MAGI2: variants seen among roughly 807,000 people sequenced by gnomAD.
MAGI2 encodes the protein membrane-associated guanylate kinase, WW and PDZ domain-containing protein 2.
In MAGI2, 35 loss-of-function variants were observed where a neutral mutation model predicts 133.3. The observed-to-expected ratio is 0.26, with a 90% CI of 0.20 to 0.35. The LOEUF is 0.35. MAGI2 is among the 10% of genes least tolerant of loss of function. The pLI is 1.00. For synonymous variants in MAGI2, 729 were observed against 710.6 expected (o/e 1.03, Z -0.41); for missense variants, 1,636 against 1,863.4 (o/e 0.88, Z 2.25).
At chr7:78,304,867 G>A (rs1798122590) in intron 9 of MAGI2, among the ~76,000 whole-genome samples, 1 of 152,172 alleles carries the variant, frequency 6.6e-6, no homozygotes, top group Admixed American at 6.5e-5. Context: ...ATCTCAGGTG[G>A]AGGGAACAAG....
chr7:79,365,016 GA>G (rs933725768), intron 1 of MAGI2, among the ~76,000 whole-genome samples: 25 of 147,230 alleles, frequency 1.7e-4, no homozygotes, highest in South Asian at 1.1e-3. Flanking sequence ...AAAGGAGTAG[GA>G]AAAAAAAAAC....
intron 2 of MAGI2, among the ~76,000 whole-genome samples, chr7:78,881,269 A>G (rs924783322): frequency 3.3e-5 from 5 of 152,096 alleles, no homozygotes. Flanking sequence ...CAGAGTATAC[A>G]TTCTTCTTAC....
At chr7:78,365,514 T>C (rs1050840607) in intron 7 of MAGI2, among the ~76,000 whole-genome samples, 1 of 152,220 alleles carries the variant, frequency 6.6e-6, no homozygotes, top group African/African-American at 2.4e-5. Context: ...TTAACTTCTT[T>C]AGCCAGGGTT....
chr7:78,034,791 G>C (rs1332307972), intron 21 of MAGI2: 1 of 152,258 alleles, frequency 6.6e-6, no homozygotes, highest in African/African-American at 2.4e-5. Context: ...GCGTCCCAAA[G>C]TGCTGGGATT....
chr7:79,204,419 G>A (rs1828865622), intron 1 of MAGI2, among the ~76,000 whole-genome samples: 1 of 152,062 alleles, frequency 6.6e-6, no homozygotes, highest in African/African-American at 2.4e-5. Context: ...TAGGCTTCTA[G>A]TAGCACTTCA....
chr7:78,853,217 G>A (rs1261006509), intron 2 of MAGI2, among the ~76,000 whole-genome samples: 1 of 150,366 alleles, frequency 6.7e-6, no homozygotes, highest in African/African-American at 2.4e-5. Context: ...ATAACTTTTC[G>A]TTTAACAGTC....
At chr7:78,454,744 G>A (rs146309078) in intron 6 of MAGI2, among the ~76,000 whole-genome samples, 136 of 152,162 alleles carry the variant, frequency 8.9e-4, no homozygotes, top group African/African-American at 3.1e-3. Context: ...GAGATAAAAC[G>A]CAATGAGCTC....
intron 1 of MAGI2, among the ~76,000 whole-genome samples, chr7:79,180,572 A>C (rs555179600): frequency 4.6e-5 from 7 of 152,022 alleles, no homozygotes; most frequent in Non-Finnish European, 1.0e-4. Flanking sequence ...TCCATCCCAC[A>C]ACATGTGGGA....
chr7:79,173,401 C>T (rs1396083967), intron 1 of MAGI2, among the ~76,000 whole-genome samples: 2 of 152,072 alleles, frequency 1.3e-5, no homozygotes, highest in African/African-American at 2.4e-5. Flanking sequence ...TCATAACTCA[C>T]TGCAAACTCA....
intron 6 of MAGI2, among the ~76,000 whole-genome samples, chr7:78,410,973 A>G (rs994909741): frequency 2.0e-5 from 3 of 152,066 alleles, no homozygotes; most frequent in Non-Finnish European, 4.4e-5. Flanking sequence ...GATGGTCAGT[A>G]ACATGCCATC....
chr7:78,913,501 A>G (rs1798569557), intron 2 of MAGI2, among the ~76,000 whole-genome samples: 1 of 152,154 alleles, frequency 6.6e-6, no homozygotes, highest in South Asian at 2.1e-4. Flanking sequence ...CTGTGAGCCA[A>G]TTAAAGCTCT....
intron 1 of MAGI2, among the ~76,000 whole-genome samples, chr7:79,435,913 AAG>A (rs1439552938): frequency 6.6e-6 from 1 of 152,162 alleles, no homozygotes; most frequent in African/African-American, 2.4e-5. Context: ...TATGTGTCTA[AAG>A]ACAGACACAT....
At chr7:78,639,441 C>A (rs903275907) in intron 2 of MAGI2, among the ~76,000 whole-genome samples, 1 of 151,918 alleles carries the variant, frequency 6.6e-6, no homozygotes, top group Non-Finnish European at 1.5e-5. Flanking sequence ...TAATGAGTAC[C>A]CACTAGGAGC....
chr7:78,458,545 T>C (rs1041369994), intron 6 of MAGI2, among the ~76,000 whole-genome samples: 1 of 152,094 alleles, frequency 6.6e-6, no homozygotes, highest in Non-Finnish European at 1.5e-5. Context: ...TTTTATACAA[T>C]TAAATAATAG....
intron 1 of MAGI2, among the ~76,000 whole-genome samples, chr7:79,256,116 C>G (rs542779868): frequency 2.1e-4 from 32 of 152,288 alleles, no homozygotes; most frequent in African/African-American, 7.7e-4. Flanking sequence ...TAATAACTTT[C>G]ACCCAAAGAG....
At chr7:78,321,370 T>C (rs1273518591) in intron 9 of MAGI2, among the ~76,000 whole-genome samples, 2 of 152,120 alleles carry the variant, frequency 1.3e-5, no homozygotes, top group Non-Finnish European at 2.9e-5. Context: ...CTTCAAACTA[T>C]ACTACGAGGC....
intron 3 of MAGI2, among the ~76,000 whole-genome samples, chr7:78,590,556 A>G (rs750720693): frequency 1.5e-4 from 23 of 152,226 alleles, no homozygotes; most frequent in Non-Finnish European, 2.8e-4. Context: ...GAAAGACCAG[A>G]TAAGTACACC....
At chr7:78,433,443 T>A (rs1025226861) in intron 6 of MAGI2, among the ~76,000 whole-genome samples, 2 of 152,076 alleles carry the variant, frequency 1.3e-5, no homozygotes, top group Non-Finnish European at 2.9e-5. Flanking sequence ...TTGAATTTGT[T>A]TCCTCTCAGC....
At chr7:78,116,571 A>ACC (rs1358792996) in intron 20 of MAGI2, among the ~76,000 whole-genome samples, 1 of 152,166 alleles carries the variant, frequency 6.6e-6, no homozygotes, top group African/African-American at 2.4e-5. Flanking sequence ...AAATACAAAT[A>ACC]CCCCAAACAT....
Sources: allele counts gnomAD v4.1 joint callset (sites outside exome capture counted in the v4.1 genomes callset), GRCh38; gene constraint gnomAD v4.1.1; transcripts MANE v1.5; gene names NCBI Gene and HGNC (gene_info 2026-07-23, HGNC 2026-07-21).